PROM1: variants seen among roughly 807,000 people sequenced by gnomAD.
The protein encoded by PROM1 is prominin-1.
Under a neutral mutation model 116.9 loss-of-function variants are expected in PROM1, and 105 were observed. That is an observed-to-expected ratio of 0.90 (90% CI 0.77 to 1.06). The LOEUF (loss-of-function observed/expected upper bound fraction) is 1.06, where lower values mean the gene tolerates loss of function less well. Ranked by LOEUF, PROM1 falls within the 50% of genes least tolerant of loss-of-function variation. PROM1 has a pLI of 0.00. For synonymous variants in PROM1, 393 were observed against 387.0 expected (o/e 1.02, Z -0.18); for missense variants, 1,122 against 1,045.2 (o/e 1.07, Z -1.01).
Position 15,992,322 on chromosome 4 carries a change from C to T in PROM1, c.1837G>A (p.Ala613Thr). ...AAATCCTGAAGGTTTTTTCTTCCTGCTGCACCCAACAGAAAGATATTAAGA... is the reference window on the plus strand; with the variant it reads ...AAATCCTGAAGGTTTTTTCTTCCTGTTGCACCCAACAGAAAGATATTAAGA... Reference protein sequence around the residue: ...VNLNIFLLGAAGRKNLQDFAA... With the variant: ...VNLNIFLLGATGRKNLQDFAA... The change falls in exon 17 of 28, where the codon GCA becomes ACA. Residue 613 changes from alanine to threonine, a missense_variant. Coordinates refer to ENST00000447510, the MANE Select transcript of PROM1 (RefSeq NM_006017.3). 1 of 1,613,912 alleles carries T rather than the reference C, an allele frequency of 6.2e-7. No individual in the cohort carries two copies. The highest frequency in any genetic ancestry group is 8.5e-7 in the Non-Finnish European group (1 of 1,179,830).
chr4:16,013,147 T>C lies in PROM1; in HGVS notation c.1141+128A>G, dbSNP rs576928388. 76 of 717,006 alleles carry C rather than the reference T, an allele frequency of 1.1e-4. 1 individual carries two copies. The African/African-American group carries it at 1.3e-3, about 12-fold the overall frequency. 44.4% of individuals were successfully genotyped at this position (717,006 alleles called of 1,614,324 possible). A position where few individuals can be genotyped will look rare whatever the true frequency, so the allele number is the denominator to read the frequency against. On this transcript the variant is annotated intron_variant, in intron 11 of 27. Coordinates refer to ENST00000447510, the MANE Select transcript of PROM1 (RefSeq NM_006017.3). ...TGACACAATTGTAAAGCTCTGATAT[T>C]TGTTTAGTTTTGACAGCTTTAATGA...
At chr4:15,969,609 G>A (rs1713876209) in intron 27 of PROM1, among the ~76,000 whole-genome samples, 1 of 152,024 alleles carries the variant, frequency 6.6e-6, no homozygotes, top group South Asian at 2.1e-4. Context: ...TTTTTTGAGA[G>A]GGAGTCTCAC....
chr4:16,004,847 TC>T (rs1724855235), intron 13 of PROM1, among the ~76,000 whole-genome samples: 1 of 141,248 alleles, frequency 7.1e-6, no homozygotes, highest in Non-Finnish European at 1.5e-5. Context: ...CTTCCTTCCT[TC>T]CTTCCTTCCT....
chr4:15,993,960 G>C, intron 16 of PROM1, 27 bp downstream of exon 16: 1 of 1,608,158 alleles, frequency 6.2e-7, no homozygotes, highest in Non-Finnish European at 8.5e-7. Flanking sequence ...AATGTGTTAT[G>C]TCGATTCCAT....
intron 9 of PROM1, among the ~76,000 whole-genome samples, chr4:16,017,187 T>C (rs578085434): frequency 6.6e-6 from 1 of 152,334 alleles, no homozygotes; most frequent in African/African-American, 2.4e-5. Context: ...TGCATGTATA[T>C]ATTAAATGAT....
intron 2 of PROM1, among the ~76,000 whole-genome samples, chr4:16,073,797 T>C (rs532694876): frequency 1.3e-5 from 2 of 152,280 alleles, no homozygotes; most frequent in South Asian, 4.1e-4. Flanking sequence ...AACCTTGTAA[T>C]GCATTGGAAG....
rs1458739632 is a variant in PROM1 at position 16,051,924 on chromosome 4, ATCT to A, written c.221-12926_221-12924del. Among the ~76,000 whole-genome samples the A allele has an allele frequency of 2.0e-5, 3 of 152,316 alleles. No homozygotes were observed. The East Asian group carries it at 5.8e-4, about 29-fold the overall frequency. ...TCCTAGAATCCAATACAAACATGAC[ATCT>A]TCTAATTTGCTTTGAATCTCTCCTA... On this transcript the variant is annotated intron_variant, in intron 2 of 27. Coordinates refer to ENST00000447510, the MANE Select transcript of PROM1 (RefSeq NM_006017.3).
At chr4:16,036,787 A>G (rs1734038802) in intron 3 of PROM1, among the ~76,000 whole-genome samples, 1 of 152,232 alleles carries the variant, frequency 6.6e-6, no homozygotes, top group Non-Finnish European at 1.5e-5. Context: ...AAATCTAGTC[A>G]GAAAGCCCTC....
At chr4:16,064,604 T>C (rs111815633) in intron 2 of PROM1, among the ~76,000 whole-genome samples, 13 of 152,320 alleles carry the variant, frequency 8.5e-5, no homozygotes, top group African/African-American at 3.1e-4. Context: ...TTAACATTAA[T>C]ATTTTAAATA....
intron 2 of PROM1, among the ~76,000 whole-genome samples, chr4:16,057,759 G>A (rs1024831548): frequency 1.3e-5 from 2 of 152,120 alleles, no homozygotes; most frequent in Non-Finnish European, 2.9e-5. Flanking sequence ...GGTTTACAGA[G>A]ATACATATAG....
chr4:15,981,580 GA>G (rs59738367), intron 23 of PROM1, among the ~76,000 whole-genome samples: 43,376 of 143,188 alleles, frequency 0.3, 6,389 homozygotes, highest in Admixed American at 0.36. Context: ...TCAAAAAAAA[GA>G]AAAAAAAAAA....
chr4:16,055,335 T>C (rs1738757636), intron 2 of PROM1: 3 of 455,000 alleles, frequency 6.6e-6, no homozygotes, highest in Non-Finnish European at 1.3e-5. Flanking sequence ...TGAGATAACC[T>C]CCCAGGCAAA....
At chr4:16,062,848 G>A (rs929209356) in intron 2 of PROM1, among the ~76,000 whole-genome samples, 1 of 152,136 alleles carries the variant, frequency 6.6e-6, no homozygotes, top group Non-Finnish European at 1.5e-5. Flanking sequence ...GAACAGACAT[G>A]GAAAGATGCC....
intron 26 of PROM1, 106 bp downstream of exon 26, chr4:15,979,289 A>G: frequency 1.3e-6 from 2 of 1,552,330 alleles, no homozygotes; most frequent in Non-Finnish European, 1.8e-6. Flanking sequence ...AGTATCATAC[A>G]GAGAGAAGTG....
chr4:15,980,325 T>TAAAA, intron 24 of PROM1, 97 bp downstream of exon 24: 1 of 637,538 alleles, frequency 1.6e-6, no homozygotes, highest in Non-Finnish European at 2.5e-6. Context: ...AAAAAAGAAA[T>TAAAA]CAACTTTAAC....
Position 16,075,707 on chromosome 4 carries a change from T to C in PROM1, c.200A>G (p.Gln67Arg). 1 of 1,613,256 alleles carries C rather than the reference T, an allele frequency of 6.2e-7. No individual in the cohort carries two copies. Among genetic ancestry groups the C allele is most frequent in the African/African-American group, 1.3e-5 (1 of 75,042 alleles). The stretch of plus-strand genomic sequence containing the variant: ...CTTACCTTCTGGGAAATCACGCGGC[T>C]GTACCACATAGAGAAAGATATGCAC... ...ELVHIFLYVV[Q>R]PRDFPEDTLR... Residue 67 changes from glutamine to arginine, a missense_variant, in exon 2 of 28, where the codon CAG (glutamine) becomes CGG (arginine). Physicochemically the swap from Gln to Arg is conservative, Grantham distance 43. Transcript: ENST00000447510.
rs185839922 is a variant in PROM1, at chr4:16,040,431, T to A, written c.221-1430A>T. Among the ~76,000 whole-genome samples, 3 of 152,360 alleles carry A rather than the reference T, an allele frequency of 2.0e-5. No individual in the cohort carries two copies. In the East Asian group the frequency reaches 5.8e-4, roughly 29 times the overall value. On this transcript the variant is annotated intron_variant, in intron 2 of 27. Transcript: ENST00000447510. ...CTTCAACCAGTCAGCATTACTTTGGTCTGTTTTACAGATCAGGCTTTAACA... is the reference window on the plus strand; with the variant it reads ...CTTCAACCAGTCAGCATTACTTTGGACTGTTTTACAGATCAGGCTTTAACA...
intron 5 of PROM1, among the ~76,000 whole-genome samples, chr4:16,026,428 T>TA (rs1731297746): frequency 6.6e-6 from 1 of 152,118 alleles, no homozygotes; most frequent in East Asian, 1.9e-4. Flanking sequence ...AAAAACTTGT[T>TA]AGTTTGTAAT....
At chr4:16,073,663 C>T (rs1306467574) in intron 2 of PROM1, among the ~76,000 whole-genome samples, 1 of 152,172 alleles carries the variant, frequency 6.6e-6, no homozygotes, top group African/African-American at 2.4e-5. Flanking sequence ...TTGAGAATTT[C>T]CTTCTCCAAG....
Sources: gnomAD v4.1 joint callset for allele counts (sites outside exome capture counted in the v4.1 genomes callset) on GRCh38, gnomAD v4.1.1 for gene constraint, MANE v1.5 for transcripts, NCBI Gene and HGNC (gene_info 2026-07-23, HGNC 2026-07-21) for gene names.